ABCC1: variants seen among roughly 807,000 people sequenced by gnomAD.
The protein encoded by ABCC1 is multidrug resistance-associated protein 1.
ABCC1 carries 83 observed loss-of-function variants against 172.9 expected under a neutral mutation model. That is an observed-to-expected ratio of 0.48 (90% CI 0.40 to 0.58). ABCC1 has a LOEUF of 0.58. Among genes scored for constraint, ABCC1 ranks in the 20% least tolerant of loss-of-function variants. ABCC1 has a pLI of 0.00. For missense variants in ABCC1, 1,817 were observed against 2,002.7 expected, an observed-to-expected ratio of 0.91 and a Z score of 1.77; for synonymous variants, 937 against 825.2, an observed-to-expected ratio of 1.14 and a Z score of -2.32.
chr16:16,106,065 CG>C (rs1412935505), intron 20 of ABCC1, among the ~76,000 whole-genome samples: 3 of 151,752 alleles, frequency 2.0e-5, no homozygotes. Context: ...TTAGTAGAGA[CG>C]GGGTTTCACC....
intron 30 of ABCC1, among the ~76,000 whole-genome samples, chr16:16,139,305 TA>T (rs1239441739): frequency 1.4e-5 from 2 of 141,916 alleles, no homozygotes; most frequent in Non-Finnish European, 3.1e-5. Context: ...AAAAAGGTTT[TA>T]TTTTTTTTAA....
intron 1 of ABCC1, among the ~76,000 whole-genome samples, chr16:15,989,712 G>C (rs2046816536): frequency 6.6e-6 from 1 of 151,980 alleles, no homozygotes; most frequent in South Asian, 2.1e-4. Context: ...GTGACTCGCG[G>C]GCCATCTTCT....
Position 16,048,270 on chromosome 16 carries a change from G to T in ABCC1, c.1347G>T (p.Leu449=). Residue 449 remains leucine (L), a synonymous_variant, in exon 10 of 31, where the codon CTG becomes CTT. Transcript: ENST00000399410. ...TYINMIWSAP[L]QVILALYLLW... ...TTAACATGATCTGGTCAGCCCCCCT[G>T]CAAGTCATCCTTGCTCTCTACCTCC... is the stretch of plus-strand genomic sequence containing the variant. 6.2e-7 allele frequency: 1 copy of T among 1,614,148 alleles called. No individual in the cohort carries two copies. The highest frequency in any genetic ancestry group is 8.5e-7 in the Non-Finnish European group (1 of 1,180,000).
intron 1 of ABCC1, among the ~76,000 whole-genome samples, chr16:15,999,836 C>CTCTTTCTTTCTTTCTT (rs375541317): frequency 0.032 from 535 of 16,838 alleles, 53 homozygotes; most frequent in Non-Finnish European, 0.04. Flanking sequence ...CTCTCTCTGT[C>CTCTTTCTTTCTTTCTT]TCTTTCTTTC....
At chr16:16,104,901 G>T (rs1395188374) in intron 20 of ABCC1, among the ~76,000 whole-genome samples, 1 of 152,152 alleles carries the variant, frequency 6.6e-6, no homozygotes, top group Non-Finnish European at 1.5e-5. Flanking sequence ...CGGGCTGGCG[G>T]GGCTGCCCGG....
At chr16:16,082,288 A>G (rs2050834481) in intron 16 of ABCC1, among the ~76,000 whole-genome samples, 1 of 152,106 alleles carries the variant, frequency 6.6e-6, no homozygotes, top group Non-Finnish European at 1.5e-5. Flanking sequence ...GTTCTTGTCT[A>G]AACATATGTT....
At chr16:15,974,944 G>A (rs1250288863) in intron 1 of ABCC1, among the ~76,000 whole-genome samples, 1 of 152,014 alleles carries the variant, frequency 6.6e-6, no homozygotes, top group Non-Finnish European at 1.5e-5. Context: ...TTGCCACCAT[G>A]CCCAGCTAAT....
chr16:16,032,116 A>T (rs552805591), intron 5 of ABCC1, among the ~76,000 whole-genome samples: 75 of 151,990 alleles, frequency 4.9e-4, no homozygotes, highest in Non-Finnish European at 1.0e-3. Context: ...TCAGCCTCCC[A>T]AGTAGCTGGA....
At chr16:16,018,781 TTA>T (rs1225724342) in intron 5 of ABCC1, among the ~76,000 whole-genome samples, 1 of 118,568 alleles carries the variant, frequency 8.4e-6, no homozygotes, top group Non-Finnish European at 1.8e-5. Context: ...GTGAGTGTGT[TTA>T]TGTTCATGTA....
chr16:15,951,538 T>C (rs981422896), intron 1 of ABCC1, among the ~76,000 whole-genome samples: 1 of 152,170 alleles, frequency 6.6e-6, no homozygotes, highest in African/African-American at 2.4e-5. Context: ...TGTTTGACCT[T>C]GCGTATTTCT....
intron 3 of ABCC1, among the ~76,000 whole-genome samples, chr16:16,010,224 T>G (rs149454185): frequency 1.3e-5 from 2 of 151,954 alleles, no homozygotes; most frequent in East Asian, 3.9e-4. Context: ...TTGGCTAATT[T>G]TAAATTTTTC....
intron 18 of ABCC1, among the ~76,000 whole-genome samples, chr16:16,088,590 G>A (rs896939286): frequency 2.0e-5 from 3 of 152,166 alleles, no homozygotes; most frequent in African/African-American, 7.2e-5. Context: ...AATGATGTGT[G>A]TATTTTTAAA....
intron 1 of ABCC1, among the ~76,000 whole-genome samples, chr16:15,981,640 CA>C: frequency 6.6e-6 from 1 of 152,280 alleles, no homozygotes; most frequent in Admixed American, 6.5e-5. Context: ...CCTATGGAAT[CA>C]TTTTTTCCTC....
At chr16:15,955,975 C>T (rs906188892) in intron 1 of ABCC1, among the ~76,000 whole-genome samples, 5 of 152,056 alleles carry the variant, frequency 3.3e-5, no homozygotes, top group Admixed American at 1.3e-4. Flanking sequence ...GGATGCAGCG[C>T]GGTGGCTTAC....
At chr16:15,991,046 A>G (rs1469218376) in intron 1 of ABCC1, among the ~76,000 whole-genome samples, 1 of 152,004 alleles carries the variant, frequency 6.6e-6, no homozygotes, top group African/African-American at 2.4e-5. Context: ...CCACGGATAG[A>G]CATTTAGTTG....
Position 16,131,764 on chromosome 16 carries a change from C to T in ABCC1, c.3820-25C>T, listed in dbSNP as rs761227310. On this transcript the variant is annotated intron_variant, in intron 26 of 30. Transcript: ENST00000399410. ...TACCAGATGGACTGGAAATTCCTTA[C>T]TCTCTCCCTTCACTGCGATCGAAGG... 6.2e-6 allele frequency: 10 copies of T among 1,608,106 alleles called. No homozygotes were observed. In the East Asian group the frequency reaches 9.2e-5, roughly 15 times the overall value.
At chr16:16,107,021 T>C (rs1054758038) in intron 21 of ABCC1, 148 bp downstream of exon 21, 3 of 1,251,186 alleles carry the variant, frequency 2.4e-6, no homozygotes, top group Non-Finnish European at 3.3e-6. Context: ...CACCAGAAAC[T>C]GAGGCCAGAG....
chr16:16,025,587 A>T (rs2048342274), intron 5 of ABCC1, among the ~76,000 whole-genome samples: 1 of 152,234 alleles, frequency 6.6e-6, no homozygotes, highest in Non-Finnish European at 1.5e-5. Context: ...AAAACCCGTT[A>T]GAACTAAAAG....
intron 25 of ABCC1, 70 bp from the exon 26 acceptor site, chr16:16,125,740 A>AAAAAAAAG (rs1222603531): frequency 2.0e-6 from 2 of 1,023,234 alleles, no homozygotes; most frequent in African/African-American, 4.1e-5. Context: ...ATCTCAGTGG[A>AAAAAAAAG]AAAAAAGAAA....
Sources: allele counts gnomAD v4.1 joint callset (sites outside exome capture counted in the v4.1 genomes callset), GRCh38; gene constraint gnomAD v4.1.1; transcripts MANE v1.5; gene names NCBI Gene and HGNC (gene_info 2026-07-23, HGNC 2026-07-21).